The following IKZF4 variants were observed in gnomAD, a reference collection of about 807,000 sequenced individuals.
IKZF4 encodes the protein IKAROS family zinc finger 4, also known as zinc finger protein Eos.
In IKZF4, 11 loss-of-function variants were observed where a neutral mutation model predicts 47.7. The ratio of observed to expected loss-of-function variants is 0.23; its 90% CI spans 0.15 to 0.38. The LOEUF (loss-of-function observed/expected upper bound fraction) is 0.38, where lower values mean the gene tolerates loss of function less well. Ranked by LOEUF, IKZF4 falls within the 10% of genes least tolerant of loss-of-function variation. IKZF4 has a pLI of 1.00. For missense variants in IKZF4, 557 were observed against 784.9 expected, an observed-to-expected ratio of 0.71 and a Z score of 3.47; for synonymous variants, 298 against 299.4, an observed-to-expected ratio of 1.00 and a Z score of 0.05.
chr12:56,018,808 G>C (rs887469093), upstream of IKZF4, among the ~76,000 whole-genome samples: 24 of 152,014 alleles, frequency 1.6e-4, no homozygotes, highest in African/African-American at 5.5e-4. Flanking sequence ...ATGACTCAAG[G>C]CTGGGCATGG....
At position 56,013,068 on chromosome 12, in the gene IKZF4, C is replaced by T. The variant is rs575597530; in HGVS notation, c.-214+1574C>T. On this transcript the variant is annotated intron_variant, in intron 2 of 11. Coordinates refer to the IKZF4 transcript ENST00000262032. ...CAGAGATTACAATGACCAGCGTTTC[C>T]TCCCTCCTCACAGAGATATTCCTTT... Among the ~76,000 whole-genome samples the T allele has an allele frequency of 2.6e-4, 39 of 152,238 alleles. 1 individual carries two copies. Among genetic ancestry groups the T allele is most frequent in the South Asian group, 1.9e-3 (9 of 4,820 alleles).
chr12:56,021,160 T>G lies in IKZF4; in HGVS notation c.-334T>G. 2.6e-6 allele frequency: 3 copies of G among 1,173,094 alleles called. No homozygotes were observed. The highest frequency in any genetic ancestry group is 4.6e-5 in the East Asian group (1 of 21,564). 72.7% of individuals were successfully genotyped at this position (1,173,094 alleles called of 1,614,324 possible). A position where few individuals can be genotyped will look rare whatever the true frequency, so the allele number is the denominator to read the frequency against. On this transcript the variant is annotated 5_prime_UTR_variant, in exon 1 of 8. Coordinates refer to ENST00000547167, the MANE Select transcript of IKZF4 (RefSeq NM_022465.4). ...CACACCCACCACCCACCCCCTTCACTGTCTTGGAAAAGGGATGCTGTAGCC... is the reference window on the plus strand; with the variant it reads ...CACACCCACCACCCACCCCCTTCACGGTCTTGGAAAAGGGATGCTGTAGCC...
At chr12:56,016,532 C>T (rs1892092751), upstream of IKZF4, among the ~76,000 whole-genome samples, 1 of 151,624 alleles carries the variant, frequency 6.6e-6, no homozygotes. Context: ...AGCGATTCTC[C>T]TGCCTCAGCC....
At chr12:56,026,216 C>T (rs991973279) in intron 3 of IKZF4, among the ~76,000 whole-genome samples, 3 of 151,784 alleles carry the variant, frequency 2.0e-5, no homozygotes, top group Non-Finnish European at 4.4e-5. Flanking sequence ...GGATTACAGG[C>T]GTGAGCCACC....
Position 56,035,408 on chromosome 12 carries a change from C to A in IKZF4, c.*77C>A. The A allele has an allele frequency of 6.6e-7, 1 of 1,506,406 alleles. No homozygotes were observed. The highest frequency in any genetic ancestry group is 9.0e-7 in the Non-Finnish European group (1 of 1,117,194). 93.3% of individuals were successfully genotyped at this position (1,506,406 alleles called of 1,614,324 possible). A position where few individuals can be genotyped will look rare whatever the true frequency, so the allele number is the denominator to read the frequency against. ...ATTGATCCCTGTCCCCACCATTTCC[C>A]AAGGAGTTTTGCTTTGTAGCCCTCA... is the stretch of plus-strand genomic sequence containing the variant. On this transcript the variant is annotated 3_prime_UTR_variant, in exon 8 of 8. Coordinates refer to ENST00000547167, the MANE Select transcript of IKZF4 (RefSeq NM_022465.4). This position sits in a 1 kb window ranked among gnomAD's most constrained non-coding sequence, Gnocchi z 6.1.
upstream of IKZF4, chr12:56,020,829 A>C: frequency 2.6e-5 from 15 of 587,980 alleles, no homozygotes; most frequent in Non-Finnish European, 3.0e-5. Flanking sequence ...CCCCACATCT[A>C]GAGAGCAACC....
upstream of IKZF4, among the ~76,000 whole-genome samples, chr12:56,020,659 G>A (rs1479854455): frequency 3.9e-5 from 6 of 152,158 alleles, no homozygotes; most frequent in Non-Finnish European, 7.4e-5. Context: ...CAGGGCTTTC[G>A]GCTGCTGGGG....
At chr12:56,028,079 T>C (rs1477579974) in intron 5 of IKZF4, 132 bp downstream of exon 5, 3 of 1,011,408 alleles carry the variant, frequency 3.0e-6, no homozygotes, top group Admixed American at 3.4e-5. Flanking sequence ...ACAGAGCAGA[T>C]AGGGCCCCCT....
In IKZF4 at chr12:56,034,728, C is replaced by T; in HGVS notation, c.1155C>T (p.Arg385=). The T allele has an allele frequency of 6.2e-7, 1 of 1,614,042 alleles. No homozygotes were observed. Among genetic ancestry groups the T allele is most frequent in the East Asian group, 2.2e-5 (1 of 44,884 alleles). The change falls in exon 8 of 8, where the codon CGC becomes CGT. Residue 385 remains arginine, a synonymous_variant. Coordinates refer to ENST00000547167, the MANE Select transcript of IKZF4 (RefSeq NM_022465.4). ...GTGCAGAGCATCTGCGTCCCCTCCG[C>T]CTTCCACCCACCAATTGCATCTCAG... is the stretch of plus-strand genomic sequence containing the variant. ...FVGAEHLRPL[R]LPPTNCISEL... is the part of the protein sequence containing the mutation.
At position 56,034,970 on chromosome 12, in the gene IKZF4, G is replaced by A; in HGVS notation, c.1397G>A (p.Arg466Gln). Residue 466 changes from arginine to glutamine, a missense_variant, in exon 8 of 8, where the codon CGG becomes CAG. Arg to Gln is a conservative substitution (Grantham distance 43). This residue lies in a region of IKZF4 where 280 missense variants were observed against 314.0 expected (regional missense o/e 0.89). Transcript: ENST00000547167. ...GACACAGAAAGCAACCACGAAGATC[G>A]GGTTGCGGGGGTGGTATCCCTCCCT... ...STDTESNHEDRVAGVVSLPQG... is the reference protein window; with the variant it reads ...STDTESNHEDQVAGVVSLPQG... 7 of 1,559,644 alleles carry A rather than the reference G, an allele frequency of 4.5e-6. No individual in the cohort carries two copies. Among genetic ancestry groups the A allele is most frequent in the East Asian group, 2.3e-5 (1 of 44,280 alleles).
Position 56,021,619 on chromosome 12 carries a change from G to T in IKZF4, c.87+39G>T, listed in dbSNP as rs376548165. The stretch of plus-strand genomic sequence containing the variant: ...GAAGGCGGCTAGTGGAGGGAGGAAG[G>T]GGGGTGCTGGGGCTAGGGAGCCAAT... On this transcript the variant is annotated intron_variant, in intron 1 of 7. Transcript: ENST00000547167. 3.3e-4 allele frequency: 521 copies of T among 1,568,346 alleles called. 2 individuals carry two copies. The highest frequency in any genetic ancestry group is 1.8e-4 in the Non-Finnish European group (203 of 1,157,918).
At position 56,036,435 on chromosome 12, in the gene IKZF4, C is replaced by T. The variant is rs1028710200; in HGVS notation, c.*1104C>T. 4 of 152,360 alleles carry T rather than the reference C, an allele frequency of 2.6e-5. No individual in the cohort carries two copies. In the East Asian group the frequency reaches 7.7e-4, roughly 29 times the overall value. The allele number at this position is 152,360 out of a possible 1,614,324, so 9.4% of individuals were successfully genotyped here. ...CTGATGACAAGGGGTTGTTTCAGCCCCTCAGTCATGCTGCCTTCTGCTGCT... is the reference window on the plus strand; with the variant it reads ...CTGATGACAAGGGGTTGTTTCAGCCTCTCAGTCATGCTGCCTTCTGCTGCT... On this transcript the variant is annotated 3_prime_UTR_variant, in exon 8 of 8. Coordinates refer to ENST00000547167, the MANE Select transcript of IKZF4 (RefSeq NM_022465.4).
At chr12:56,019,508 T>G (rs1892570163), upstream of IKZF4, 1 of 253,070 alleles carries the variant, frequency 4.0e-6, no homozygotes, top group Non-Finnish European at 6.2e-6. Context: ...CTTGACAGAA[T>G]GACAGGGATC....
At chr12:56,015,202 G>C (rs1211023491) in intron 2 of IKZF4, among the ~76,000 whole-genome samples, 1 of 152,042 alleles carries the variant, frequency 6.6e-6, no homozygotes, top group Non-Finnish European at 1.5e-5. Flanking sequence ...TCAGCCTCCT[G>C]AGTAGCTGGG....
Position 56,032,562 on chromosome 12 carries a change from C to T in IKZF4, c.717C>T (p.Val239=), listed in dbSNP as rs750310500. The T allele has an allele frequency of 6.2e-7, 1 of 1,611,416 alleles. No individual in the cohort carries two copies. Among genetic ancestry groups the T allele is most frequent in the African/African-American group, 1.3e-5 (1 of 74,994 alleles). Reference sequence around the variant, plus strand: ...CCATCTTTCCACTCTCCTCCACAGTCTCCTCTCCCACAGTGGGCAAGCCCT... The same window carrying T: ...CCATCTTTCCACTCTCCTCCACAGTTTCCTCTCCCACAGTGGGCAAGCCCT... ...ALTGHLRTHS[V]SSPTVGKPYK... The change falls in exon 6 of 8, where the codon GTC becomes GTT. Residue 239 remains valine, a splice_region_variant and synonymous_variant. Coordinates refer to ENST00000547167, the MANE Select transcript of IKZF4 (RefSeq NM_022465.4).
chr12:56,013,556 T>C (rs1167841095), intron 2 of IKZF4, among the ~76,000 whole-genome samples: 1 of 152,148 alleles, frequency 6.6e-6, no homozygotes, highest in Non-Finnish European at 1.5e-5. Flanking sequence ...AACTGTCTCA[T>C]GTAACTAACT....
chr12:56,031,904 C>T (rs1894967274), intron 5 of IKZF4, among the ~76,000 whole-genome samples: 1 of 151,986 alleles, frequency 6.6e-6, no homozygotes, highest in Admixed American at 6.6e-5. Context: ...TTCAGAATTA[C>T]TCTATCAGTG....
rs1360828681 is a variant in IKZF4, at chr12:56,021,512, CTCCCTCGCCGTT to C, written c.23_34del (p.Pro8_Phe11del). 1.2e-6 allele frequency: 2 copies of C among 1,606,154 alleles called. No individual in the cohort carries two copies. The highest frequency in any genetic ancestry group is 1.7e-6 in the Non-Finnish European group (2 of 1,176,982). ...CGCAGACATGCATACACCACCCGCA[CTCCCTCGCCGTT>C]TCCAAGGCGGCGGCCGCGTTCGCAC... is the stretch of plus-strand genomic sequence containing the variant. On this transcript the variant is annotated inframe_deletion, in exon 1 of 8. Coordinates refer to ENST00000547167, the MANE Select transcript of IKZF4 (RefSeq NM_022465.4).
rs1895634974 is a variant in IKZF4 at position 56,036,397 on chromosome 12, A to G, written c.*1066A>G. ...TTCAGTCCCCATCCTATGAGAAACT[A>G]GTGGGTTGCTGCCTGATGACAAGGG... On this transcript the variant is annotated 3_prime_UTR_variant, in exon 8 of 8. Coordinates refer to ENST00000547167, the MANE Select transcript of IKZF4 (RefSeq NM_022465.4). 1 of 152,340 alleles carries G rather than the reference A, an allele frequency of 6.6e-6. No homozygotes were observed. Among genetic ancestry groups the G allele is most frequent in the Non-Finnish European group, 1.5e-5 (1 of 68,058 alleles). The allele number at this position is 152,340 out of a possible 1,614,324, so 9.4% of individuals were successfully genotyped here. A position where few individuals can be genotyped will look rare whatever the true frequency, so the allele number is the denominator to read the frequency against.
Sources: allele counts gnomAD v4.1 joint callset (sites outside exome capture counted in the v4.1 genomes callset), GRCh38; gene constraint gnomAD v4.1.1; regional missense constraint gnomAD v4.1.1; non-coding constraint Gnocchi (gnomAD v3.1); transcripts MANE v1.5; gene names NCBI Gene and HGNC (gene_info 2026-07-23, HGNC 2026-07-21).